PAM: variants seen among roughly 807,000 people sequenced by gnomAD.
PAM encodes the protein peptidylglycine alpha-amidating monooxygenase.
PAM carries 72 observed loss-of-function variants against 122.1 expected under a neutral mutation model. That is an observed-to-expected ratio of 0.59 (90% CI 0.49 to 0.72). The LOEUF (loss-of-function observed/expected upper bound fraction) is 0.72. Ranked by LOEUF, PAM falls within the 30% of genes least tolerant of loss-of-function variation. The pLI is 0.00. For synonymous variants in PAM, 389 were observed against 404.4 expected (o/e 0.96, Z 0.46); for missense variants, 1,106 against 1,183.7 (o/e 0.93, Z 0.96).
intron 3 of PAM, among the ~76,000 whole-genome samples, chr5:102,874,825 G>A (rs1788630758): frequency 1.3e-5 from 2 of 151,870 alleles, no homozygotes; most frequent in African/African-American, 2.4e-5. Flanking sequence ...GGCACTTTAC[G>A]TACATTGTCT....
rs555268094 is a variant in PAM at position 102,866,173 on chromosome 5, G to C, written c.-23G>C. 18 of 1,571,916 alleles carry C rather than the reference G, an allele frequency of 1.1e-5. No individual in the cohort carries two copies. Among genetic ancestry groups the C allele is most frequent in the Middle Eastern group, 1.7e-4 (1 of 5,886 alleles). Reference sequence around the variant, plus strand: ...GCGCTGCGCTGCCCGGTCCTCTCCCGGCGGGGTCGTATCGGCGTGGACATG... The same window carrying C: ...GCGCTGCGCTGCCCGGTCCTCTCCCCGCGGGGTCGTATCGGCGTGGACATG... On this transcript the variant is annotated 5_prime_UTR_variant, in exon 2 of 26. Transcript: ENST00000438793.
At chr5:102,972,672 C>T (rs975596) in intron 14 of PAM, among the ~76,000 whole-genome samples, 8,191 of 152,248 alleles carry the variant, frequency 0.054, 734 homozygotes, top group African/African-American at 0.19. Context: ...GCATATGAAA[C>T]TATTTATATT....
intron 1 of PAM, among the ~76,000 whole-genome samples, chr5:102,779,886 CATATATAT>C (rs767088116): frequency 0.01 from 840 of 81,052 alleles, 26 homozygotes; most frequent in African/African-American, 0.028. Context: ...CTCCCATATA[CATATATAT>C]ATATATATAT....
chr5:102,974,714 G>A, intron 15 of PAM: 1 of 275,528 alleles, frequency 3.6e-6, no homozygotes. Context: ...GGGAAAGGAG[G>A]CATATGAAAT....
At chr5:102,884,250 A>G (rs1212162409) in intron 3 of PAM, among the ~76,000 whole-genome samples, 1 of 151,838 alleles carries the variant, frequency 6.6e-6, no homozygotes, top group Non-Finnish European at 1.5e-5. Context: ...TTAAAAATTA[A>G]TAAAGAAAAA....
At chr5:102,942,730 C>T (rs904422920) in intron 7 of PAM, among the ~76,000 whole-genome samples, 17 of 113,476 alleles carry the variant, frequency 1.5e-4, no homozygotes, top group African/African-American at 4.7e-4. Context: ...CCAGCATGCC[C>T]GGCTAATTTT....
chr5:102,778,945 A>G (rs182035703), intron 1 of PAM, among the ~76,000 whole-genome samples: 1 of 152,308 alleles, frequency 6.6e-6, no homozygotes, highest in African/African-American at 2.4e-5. Context: ...GTATGAATAT[A>G]AGATCAGAAT....
At chr5:102,951,634 A>C (rs540783944) in intron 12 of PAM, among the ~76,000 whole-genome samples, 12 of 152,226 alleles carry the variant, frequency 7.9e-5, no homozygotes, top group African/African-American at 2.4e-4. Flanking sequence ...TAGCAACACT[A>C]ACTGTTGGCT....
chr5:103,008,290 A>AT (rs947581512), intron 20 of PAM, among the ~76,000 whole-genome samples: 2 of 151,974 alleles, frequency 1.3e-5, no homozygotes, highest in Non-Finnish European at 2.9e-5. Context: ...TACAATTACA[A>AT]TTTTTTTAAA....
intron 15 of PAM, among the ~76,000 whole-genome samples, chr5:102,988,701 GAA>G (rs1022404409): frequency 5.6e-4 from 73 of 130,306 alleles, no homozygotes; most frequent in African/African-American, 2.0e-3. Flanking sequence ...GAAAGAAAGA[GAA>G]AGAGAAAGAA....
Position 102,910,373 on chromosome 5 carries a change from T to C in PAM, c.269-3561T>C, listed in dbSNP as rs573320028. On this transcript the variant is annotated intron_variant, in intron 4 of 25. Coordinates refer to ENST00000438793, the MANE Select transcript of PAM (RefSeq NM_001177306.2). ...TTTTATTTCAGACGACATTATCCTT[T>C]GAGAAACCCTCCAACCTCTGTGCTT... is the stretch of plus-strand genomic sequence containing the variant. 2.0e-5 allele frequency among the ~76,000 whole-genome samples: 3 copies of C among 152,044 alleles called. No homozygotes were observed. In the East Asian group the frequency reaches 5.8e-4, roughly 29 times the overall value.
chr5:103,022,250 A>G (rs115252772), intron 23 of PAM, among the ~76,000 whole-genome samples: 112 of 151,766 alleles, frequency 7.4e-4, no homozygotes, highest in African/African-American at 2.6e-3. Context: ...AAAAAGAATG[A>G]TCTCATTGGT....
chr5:102,999,278 T>G (rs73179830), intron 16 of PAM, among the ~76,000 whole-genome samples: 4,278 of 152,298 alleles, frequency 0.028, 191 homozygotes, highest in African/African-American at 0.098. Flanking sequence ...ATCCTTTGAC[T>G]GCATGTCTCA....
At chr5:102,856,518 T>C (rs1782663515) in intron 1 of PAM, among the ~76,000 whole-genome samples, 1 of 152,158 alleles carries the variant, frequency 6.6e-6, no homozygotes, top group Non-Finnish European at 1.5e-5. Context: ...TACAGTAAAA[T>C]ATGCCAGCAT....
In PAM at chr5:102,915,366, T is replaced by A. The variant is rs576561343; in HGVS notation, c.356+1345T>A. Among the ~76,000 whole-genome samples, 13 of 152,226 alleles carry A rather than the reference T, an allele frequency of 8.5e-5. No individual in the cohort carries two copies. The South Asian group carries it at 1.5e-3, about 17-fold the overall frequency. ...ACAGGGCAATTAGTGGAAATCTCCA[T>A]GGACCAAGTACCGTCAAAGCATTTG... On this transcript the variant is annotated intron_variant, in intron 5 of 25. Transcript: ENST00000438793.
At chr5:102,923,607 T>C (rs1299053798) in intron 5 of PAM, among the ~76,000 whole-genome samples, 1 of 152,180 alleles carries the variant, frequency 6.6e-6, no homozygotes, top group Non-Finnish European at 1.5e-5. Context: ...CTGAGATATA[T>C]TGTAATGGGA....
chr5:102,780,287 T>C (rs1758366124), intron 1 of PAM, among the ~76,000 whole-genome samples: 1 of 152,132 alleles, frequency 6.6e-6, no homozygotes, highest in South Asian at 2.1e-4. Context: ...CAGGGAAGAC[T>C]ACTGTACCAC....
At chr5:102,922,764 T>C (rs767986955) in intron 5 of PAM, among the ~76,000 whole-genome samples, 8 of 152,232 alleles carry the variant, frequency 5.3e-5, no homozygotes, top group Non-Finnish European at 1.2e-4. Context: ...ATGATCTTTG[T>C]TGAAAGCTAT....
intron 7 of PAM, among the ~76,000 whole-genome samples, chr5:102,943,434 A>C (rs536336867): frequency 6.6e-6 from 1 of 152,152 alleles, no homozygotes; most frequent in East Asian, 1.9e-4. Flanking sequence ...ATTCCTACTT[A>C]AGTGGATGTC....
Sources: allele counts gnomAD v4.1 joint callset (sites outside exome capture counted in the v4.1 genomes callset), GRCh38; gene constraint gnomAD v4.1.1; transcripts MANE v1.5; gene names NCBI Gene and HGNC (gene_info 2026-07-23, HGNC 2026-07-21).